The following NPTXR variants were observed in gnomAD, a reference collection of about 807,000 sequenced individuals.
NPTXR encodes the protein neuronal pentraxin receptor.
In NPTXR, 12 loss-of-function variants were observed where a neutral mutation model predicts 32.2. The ratio of observed to expected loss-of-function variants is 0.37; its 90% CI spans 0.24 to 0.60. The LOEUF (loss-of-function observed/expected upper bound fraction) is 0.60. Among genes scored for constraint, NPTXR ranks in the 20% least tolerant of loss-of-function variants. The pLI is 0.66. For synonymous variants in NPTXR, 323 were observed against 315.8 expected, an observed-to-expected ratio of 1.02 and a Z score of -0.24; for missense variants, 612 against 682.9, an observed-to-expected ratio of 0.90 and a Z score of 1.16.
intron 1 of NPTXR, among the ~76,000 whole-genome samples, chr22:38,838,148 C>CGCCCAGCTCACCTGTCTTT (rs2093126759): frequency 5.9e-5 from 9 of 152,144 alleles, no homozygotes. Context: ...TGAGCCACCG[C>CGCCCAGCTCACCTGTCTTT]TCCTGACCTA....
chr22:38,838,339 C>A (rs1264393257), intron 1 of NPTXR, among the ~76,000 whole-genome samples: 1 of 151,902 alleles, frequency 6.6e-6, no homozygotes, highest in South Asian at 2.1e-4. Flanking sequence ...TGCGTTCAGC[C>A]TCTATCATAG....
At position 38,820,628 on chromosome 22, in the gene NPTXR, A is replaced by C. The variant is rs911106829; in HGVS notation, c.*1981T>G. ...AGATGTTTGGGTGTTGCATAAAGGA[A>C]GATGTTCAGGTGTCATGTTGGAAAG... On this transcript the variant is annotated 3_prime_UTR_variant, in exon 5 of 5. Coordinates refer to ENST00000333039, the MANE Select transcript of NPTXR (RefSeq NM_014293.4). The C allele has an allele frequency of 6.6e-6, 1 of 152,224 alleles. No individual in the cohort carries two copies. 9.4% of individuals were successfully genotyped at this position (152,224 alleles called of 1,614,324 possible). A position where few individuals can be genotyped will look rare whatever the true frequency, so the allele number is the denominator to read the frequency against.
rs987668436 is a variant in NPTXR at position 38,843,186 on chromosome 22, G to A, written c.624+49C>T. On this transcript the variant is annotated intron_variant, in intron 1 of 4. Transcript: ENST00000333039. This position sits in a 1 kb window ranked among gnomAD's most constrained non-coding sequence, Gnocchi z 5.3. ...GACCGCCGGACGACCGCGGCCGGGC[G>A]GCCCCTCACACCACCCGGGCGGCTC... 1.8e-5 allele frequency: 23 copies of A among 1,267,790 alleles called. No homozygotes were observed. Among genetic ancestry groups the A allele is most frequent in the Non-Finnish European group, 2.0e-5 (20 of 1,008,018 alleles). 78.5% of individuals were successfully genotyped at this position (1,267,790 alleles called of 1,614,324 possible).
Position 38,843,208 on chromosome 22 carries a change from G to A in NPTXR, c.624+27C>T, listed in dbSNP as rs2093134166. On this transcript the variant is annotated intron_variant, in intron 1 of 4. Coordinates refer to ENST00000333039, the MANE Select transcript of NPTXR (RefSeq NM_014293.4). The surrounding 1 kb of genome is among the most constrained non-coding windows in gnomAD (Gnocchi z 5.3). The stretch of plus-strand genomic sequence containing the variant: ...GGCGGCCCCTCACACCACCCGGGCG[G>A]CTCCCCCGACGGCGCGCGGCGCTCA... 3.1e-6 allele frequency: 4 copies of A among 1,298,158 alleles called. No individual in the cohort carries two copies. The highest frequency in any genetic ancestry group is 4.6e-5 in the South Asian group (2 of 43,196). The allele number at this position is 1,298,158 out of a possible 1,614,324, so 80.4% of individuals were successfully genotyped here.
intron 1 of NPTXR, among the ~76,000 whole-genome samples, chr22:38,838,413 G>A (rs995130364): frequency 6.6e-6 from 1 of 151,668 alleles, no homozygotes; most frequent in African/African-American, 2.4e-5. Flanking sequence ...GTTATTATCA[G>A]CAGCAGCAGC....
chr22:38,825,081 A>G (rs1332940751), intron 3 of NPTXR, among the ~76,000 whole-genome samples: 1 of 152,162 alleles, frequency 6.6e-6, no homozygotes, highest in Non-Finnish European at 1.5e-5. Context: ...GAGGAGCTTT[A>G]GGAGTGGATG....
intron 2 of NPTXR, among the ~76,000 whole-genome samples, chr22:38,827,977 C>A (rs762772239): frequency 2.0e-5 from 3 of 152,154 alleles, no homozygotes; most frequent in Non-Finnish European, 4.4e-5. Context: ...GTCTGTGTGA[C>A]CTTGAGCATG....
Position 38,826,763 on chromosome 22 carries a change from G to A in NPTXR, c.851-16C>T. ...GCTGAGGACCCTGAGGGTGGGCAAG[G>A]CAGACATGGTGGAGGTCGGTGGACA... is the stretch of plus-strand genomic sequence containing the variant. On this transcript the variant is annotated splice_polypyrimidine_tract_variant and intron_variant, in intron 2 of 4. Coordinates refer to ENST00000333039, the MANE Select transcript of NPTXR (RefSeq NM_014293.4). 6.2e-7 allele frequency: 1 copy of A among 1,606,630 alleles called. No individual in the cohort carries two copies. The highest frequency in any genetic ancestry group is 2.2e-5 in the East Asian group (1 of 44,762).
rs1351823186 is a variant in NPTXR at position 38,834,844 on chromosome 22, C to T, written c.625-6332G>A. ...TATAAATAATGATAAAATGAAAGAA[C>T]AGATATGAAGTGTGGTCAACCATAA... On this transcript the variant is annotated intron_variant, in intron 1 of 4. Coordinates refer to ENST00000333039, the MANE Select transcript of NPTXR (RefSeq NM_014293.4). The surrounding 1 kb of genome is among the most constrained non-coding windows in gnomAD (Gnocchi z 4.4). Among the ~76,000 whole-genome samples the T allele has an allele frequency of 6.6e-6, 1 of 151,998 alleles. No homozygotes were observed. The highest frequency in any genetic ancestry group is 2.4e-5 in the African/African-American group (1 of 41,354).
rs1208051159 is a variant in NPTXR at position 38,828,420 on chromosome 22, C to T, written c.717G>A (p.Glu239=). 6.2e-7 allele frequency: 1 copy of T among 1,612,578 alleles called. No homozygotes were observed. Among genetic ancestry groups the T allele is most frequent in the African/African-American group, 1.3e-5 (1 of 74,928 alleles). Residue 239 remains glutamate, a synonymous_variant, in exon 2 of 5, where the codon GAG becomes GAA. Coordinates refer to ENST00000333039, the MANE Select transcript of NPTXR (RefSeq NM_014293.4). Reference sequence around the variant, plus strand: ...CCAGCACCTGGGCCAGCAGCTGCCCCTCCAGCTGGTCCATCTTGGAGTGTA... The same window carrying T: ...CCAGCACCTGGGCCAGCAGCTGCCCTTCCAGCTGGTCCATCTTGGAGTGTA...
At chr22:38,830,926 C>T (rs1349126934) in intron 1 of NPTXR, among the ~76,000 whole-genome samples, 3 of 152,194 alleles carry the variant, frequency 2.0e-5, no homozygotes, top group Non-Finnish European at 1.5e-5. Context: ...CTCCCAGCCA[C>T]GCAGATGCCT....
At chr22:38,836,205 G>A (rs1006788522) in intron 1 of NPTXR, among the ~76,000 whole-genome samples, 3 of 152,172 alleles carry the variant, frequency 2.0e-5, no homozygotes, top group Non-Finnish European at 4.4e-5. Flanking sequence ...GTGGGGAAAT[G>A]TTTGGCTGTA....
chr22:38,843,382 G>A lies in NPTXR; in HGVS notation c.477C>T (p.Gly159=). 7.1e-7 allele frequency: 1 copy of A among 1,410,078 alleles called. No individual in the cohort carries two copies. The highest frequency in any genetic ancestry group is 9.2e-7 in the Non-Finnish European group (1 of 1,091,002). 87.3% of individuals were successfully genotyped at this position (1,410,078 alleles called of 1,614,324 possible). Reference sequence around the variant, plus strand: ...CGCGCGGCAGGCCGCTCTCGCAGCGGCCCAGCTTGCCGGTGAGCTCACGGA... The same window carrying A: ...CGCGCGGCAGGCCGCTCTCGCAGCGACCCAGCTTGCCGGTGAGCTCACGGA... The change falls in exon 1 of 5, where the codon GGC becomes GGT. Residue 159 remains glycine (G), a synonymous_variant. Transcript: ENST00000333039. This position sits in a 1 kb window ranked among gnomAD's most constrained non-coding sequence, Gnocchi z 5.3.
intron 4 of NPTXR, 37 bp from the exon 5 acceptor site, chr22:38,822,870 GA>G (rs2093100391): frequency 6.3e-7 from 1 of 1,579,900 alleles, no homozygotes; most frequent in Non-Finnish European, 8.7e-7. Flanking sequence ...GAGAGGCATG[GA>G]GTGAGGGAGC....
In NPTXR at chr22:38,822,860, G is replaced by C. The variant is rs1251244564; in HGVS notation, c.1279-27C>G. 4 of 1,593,882 alleles carry C rather than the reference G, an allele frequency of 2.5e-6. No individual in the cohort carries two copies. In the African/African-American group the frequency reaches 5.4e-5, roughly 21 times the overall value. On this transcript the variant is annotated intron_variant, in intron 4 of 4. Transcript: ENST00000333039. ...TGGGCCAAGACAGCAGCAGAGAAAGGAGAGGCATGGAGTGAGGGAGCAGAA... is the reference window on the plus strand; with the variant it reads ...TGGGCCAAGACAGCAGCAGAGAAAGCAGAGGCATGGAGTGAGGGAGCAGAA...
chr22:38,833,761 G>A (rs887261974), intron 1 of NPTXR, among the ~76,000 whole-genome samples: 19 of 149,592 alleles, frequency 1.3e-4, no homozygotes, highest in Admixed American at 7.4e-4. Context: ...TGCAGGCTCC[G>A]CCCCCCTGGG....
chr22:38,822,825 C>A lies in NPTXR; in HGVS notation c.1287G>T (p.Leu429=). The A allele has an allele frequency of 1.2e-6, 2 of 1,613,668 alleles. No homozygotes were observed. The highest frequency in any genetic ancestry group is 2.2e-5 in the South Asian group (2 of 90,982). Residue 429 remains leucine, a synonymous_variant, in exon 5 of 5, where the codon CTG becomes CTT. Transcript: ENST00000333039. ...CCTGGGTGGCATCAAACCGGCCACC[C>A]AGGGTATCCTGGGCCAAGACAGCAG...
intron 3 of NPTXR, among the ~76,000 whole-genome samples, chr22:38,824,903 T>C (rs4140576): frequency 0.42 from 64,309 of 152,020 alleles, 14,021 homozygotes; most frequent in East Asian, 0.76. Flanking sequence ...CAGAATGCCA[T>C]GAAATGCACC....
At position 38,820,972 on chromosome 22, in the gene NPTXR, G is replaced by A; in HGVS notation, c.*1637C>T. 1 of 152,490 alleles carries A rather than the reference G, an allele frequency of 6.6e-6. No individual in the cohort carries two copies. The highest frequency in any genetic ancestry group is 1.5e-5 in the Non-Finnish European group (1 of 68,210). 9.4% of individuals were successfully genotyped at this position (152,490 alleles called of 1,614,324 possible). A position where few individuals can be genotyped will look rare whatever the true frequency, so the allele number is the denominator to read the frequency against. On this transcript the variant is annotated 3_prime_UTR_variant, in exon 5 of 5. Transcript: ENST00000333039. ...TGCAATGGCGTGATCTCGGCTCACT[G>A]CAACCTCCACCTCCTCAGTTCAAGA...
Sources: gnomAD v4.1 joint callset for allele counts (sites outside exome capture counted in the v4.1 genomes callset) on GRCh38, gnomAD v4.1.1 for gene constraint, Gnocchi (gnomAD v3.1) non-coding constraint, MANE v1.5 for transcripts, NCBI Gene and HGNC (gene_info 2026-07-23, HGNC 2026-07-21) for gene names.